Variants in SNTG2 observed in about 807,000 individuals in gnomAD.
SNTG2 encodes syntrophin gamma 2.
A neutral mutation model predicts 70.9 loss-of-function variants in SNTG2; 74 were observed. The observed-to-expected ratio is 1.04, with a 90% CI of 0.86 to 1.27. The LOEUF (loss-of-function observed/expected upper bound fraction) is 1.27, where lower values mean the gene tolerates loss of function less well. Ranked by LOEUF, SNTG2 falls within the 50% of genes most tolerant of loss-of-function variation. The probability of loss-of-function intolerance (pLI) is 0.00; values close to 1 mark genes in which losing one functional copy is unlikely to be tolerated. For synonymous variants in SNTG2, 278 were observed against 273.8 expected, an observed-to-expected ratio of 1.02 and a Z score of -0.15; for missense variants, 717 against 690.7, an observed-to-expected ratio of 1.04 and a Z score of -0.43.
At chr2:1,015,235 T>C (rs971510272) in intron 1 of SNTG2, among the ~76,000 whole-genome samples, 2 of 151,948 alleles carry the variant, frequency 1.3e-5, no homozygotes, top group African/African-American at 4.8e-5. Context: ...TGCAAAGAAG[T>C]AAATGGATTC....
chr2:1,104,023 T>A (rs1262997982), intron 4 of SNTG2, among the ~76,000 whole-genome samples: 1 of 152,242 alleles, frequency 6.6e-6, no homozygotes, highest in Non-Finnish European at 1.5e-5. Flanking sequence ...TTCTATGACC[T>A]TTAACTACCC....
chr2:1,058,076 AAAT>A (rs1360989888), intron 1 of SNTG2, among the ~76,000 whole-genome samples: 4 of 152,222 alleles, frequency 2.6e-5, no homozygotes, highest in African/African-American at 9.6e-5. Flanking sequence ...GAATTAATAT[AAAT>A]AACTTATATT....
chr2:1,261,590 G>A (rs1678416278), intron 13 of SNTG2, among the ~76,000 whole-genome samples: 1 of 152,158 alleles, frequency 6.6e-6, no homozygotes, highest in Admixed American at 6.5e-5. Context: ...TGGCAGAAAA[G>A]CACTCTGGAC....
Position 1,307,518 on chromosome 2 carries a change from C to A in SNTG2, c.1285-976C>A, listed in dbSNP as rs577568677. On this transcript the variant is annotated intron_variant, in intron 14 of 16. Transcript: ENST00000308624. ...AGAGAGAGTGTAGGCATCAAGCACC[C>A]ATTTCCCACAAGAGTAACGTGTTTG... Among the ~76,000 whole-genome samples the A allele has an allele frequency of 1.1e-4, 16 of 151,706 alleles. 1 individual carries two copies. Among genetic ancestry groups the A allele is most frequent in the Admixed American group, 1.0e-3 (16 of 15,248 alleles).
chr2:1,250,094 G>A (rs10190065), intron 12 of SNTG2, among the ~76,000 whole-genome samples: 45,543 of 152,036 alleles, frequency 0.3, 7,610 homozygotes, highest in African/African-American at 0.45. Context: ...GGAAATCGCA[G>A]ACTCCTCATT....
intron 9 of SNTG2, among the ~76,000 whole-genome samples, chr2:1,221,296 TGTCC>T (rs1674761172): frequency 7.2e-6 from 1 of 138,576 alleles, no homozygotes; most frequent in African/African-American, 2.6e-5. Context: ...TCTGTCTCTC[TGTCC>T]CTCTCTGTCT....
At position 1,038,051 on chromosome 2, in the gene SNTG2, C is replaced by T. The variant is rs2148050496; in HGVS notation, c.73-45467C>T. Among the ~76,000 whole-genome samples the T allele has an allele frequency of 2.0e-5, 3 of 152,260 alleles. No homozygotes were observed. The Middle Eastern group carries it at 0.01, about 518-fold the overall frequency. ...CAAAACAACTGTGGCATTTTGTATT[C>T]CTCCCAGTGGTATATGAAAGTTCCC... On this transcript the variant is annotated intron_variant, in intron 1 of 16. Transcript: ENST00000308624.
intron 14 of SNTG2, among the ~76,000 whole-genome samples, chr2:1,296,217 A>T (rs1680208496): frequency 6.6e-6 from 1 of 152,264 alleles, no homozygotes; most frequent in Admixed American, 6.5e-5. Flanking sequence ...TGATCTACTC[A>T]TCCTGGAATT....
At position 1,353,076 on chromosome 2, in the gene SNTG2, C is replaced by A. The variant is rs1187728020; in HGVS notation, c.1489-14267C>A. Among the ~76,000 whole-genome samples the A allele has an allele frequency of 6.6e-6, 1 of 152,132 alleles. No homozygotes were observed. Among genetic ancestry groups the A allele is most frequent in the African/African-American group, 2.4e-5 (1 of 41,418 alleles). ...GTCTGGCTCACCCCCACCCAGAAATCCACATGGTGCATTTTCGGAAAACTT... is the reference window on the plus strand; with the variant it reads ...GTCTGGCTCACCCCCACCCAGAAATACACATGGTGCATTTTCGGAAAACTT... On this transcript the variant is annotated intron_variant, in intron 16 of 16. Transcript: ENST00000308624. This position sits in a 1 kb window ranked among gnomAD's most constrained non-coding sequence, Gnocchi z 4.2.
In SNTG2 at chr2:1,255,925, TAAATATATAA is replaced by T. The variant is rs1249819361; in HGVS notation, c.1006-3443_1006-3434del. 4.5e-4 allele frequency among the ~76,000 whole-genome samples: 22 copies of T among 49,242 alleles called. 1 individual carries two copies. Among genetic ancestry groups the T allele is most frequent in the African/African-American group, 2.3e-3 (19 of 8,244 alleles). 32.3% of individuals were successfully genotyped at this position (49,242 alleles called of 152,430 possible). A position where few individuals can be genotyped will look rare whatever the true frequency, so the allele number is the denominator to read the frequency against. On this transcript the variant is annotated intron_variant, in intron 12 of 16. Coordinates refer to ENST00000308624, the MANE Select transcript of SNTG2 (RefSeq NM_018968.4). The stretch of plus-strand genomic sequence containing the variant: ...ATATATAAATATATATATAAATATA[TAAATATATAA>T]ATATATATATATATAACTACATGTG...
intron 14 of SNTG2, among the ~76,000 whole-genome samples, chr2:1,287,286 G>A (rs1679803098): frequency 6.6e-6 from 1 of 152,210 alleles, no homozygotes; most frequent in African/African-American, 2.4e-5. Flanking sequence ...CTGATAATTG[G>A]AAATAGAAAT....
chr2:959,541 C>T lies in SNTG2; in HGVS notation c.72+8473C>T, dbSNP rs952600693. On this transcript the variant is annotated intron_variant, in intron 1 of 16. Transcript: ENST00000308624. ...GTCCAGGGTTCAGCTGTGCTAGGGTCGCCTGGTGCAGGGGGCTGCCTGGGG... is the reference window on the plus strand; with the variant it reads ...GTCCAGGGTTCAGCTGTGCTAGGGTTGCCTGGTGCAGGGGGCTGCCTGGGG... 4.0e-5 allele frequency among the ~76,000 whole-genome samples: 6 copies of T among 151,858 alleles called. No homozygotes were observed. The East Asian group carries it at 9.7e-4, about 24-fold the overall frequency.
rs749742471 is a variant in SNTG2, at chr2:988,028, G to A, written c.72+36960G>A. 2.6e-5 allele frequency among the ~76,000 whole-genome samples: 4 copies of A among 152,322 alleles called. No homozygotes were observed. In the East Asian group the frequency reaches 5.8e-4, roughly 22 times the overall value. The stretch of plus-strand genomic sequence containing the variant: ...AGCCTCGCCCTGCTCGCCACAGCCC[G>A]TCTTCCTCCTCATCACCTCATGGGG... On this transcript the variant is annotated intron_variant, in intron 1 of 16. Transcript: ENST00000308624.
chr2:1,309,239 T>C (rs1416849733), intron 15 of SNTG2, among the ~76,000 whole-genome samples: 1 of 152,228 alleles, frequency 6.6e-6, no homozygotes, highest in Admixed American at 6.5e-5. Flanking sequence ...CAAATCGGGC[T>C]GCACCCCCTT....
intron 11 of SNTG2, 42 bp from the exon 12 acceptor site, chr2:1,247,285 G>A: frequency 8.3e-7 from 1 of 1,211,100 alleles, no homozygotes; most frequent in Non-Finnish European, 1.2e-6. Context: ...GTGACAGTAT[G>A]CCCTCATTAA....
intron 4 of SNTG2, among the ~76,000 whole-genome samples, chr2:1,111,739 A>C (rs920232495): frequency 6.7e-6 from 1 of 150,016 alleles, no homozygotes; most frequent in Non-Finnish European, 1.5e-5. Context: ...ACTCCCTGAG[A>C]AGAATCGTGT....
intron 9 of SNTG2, 48 bp downstream of exon 9, chr2:1,209,278 C>CT: frequency 6.2e-7 from 1 of 1,610,746 alleles, no homozygotes; most frequent in Non-Finnish European, 8.5e-7. Context: ...ACCCCGTGCA[C>CT]TTTTGCCAGT....
intron 4 of SNTG2, among the ~76,000 whole-genome samples, chr2:1,122,294 A>T (rs1667423602): frequency 6.6e-6 from 1 of 152,206 alleles, no homozygotes; most frequent in Non-Finnish European, 1.5e-5. Flanking sequence ...CTGAACAAAG[A>T]TGTCACTAAC....
chr2:1,295,233 C>T lies in SNTG2; in HGVS notation c.1285-13261C>T, dbSNP rs562151381. On this transcript the variant is annotated intron_variant, in intron 14 of 16. Transcript: ENST00000308624. ...GAGACTGAAGCGGCCACATGCTGGG[C>T]GGATGTAGTGTCTCATGCCTCAGTG... Among the ~76,000 whole-genome samples, 7 of 152,232 alleles carry T rather than the reference C, an allele frequency of 4.6e-5. No individual in the cohort carries two copies. In the South Asian group the frequency reaches 1.0e-3, roughly 23 times the overall value.
Sources: allele counts gnomAD v4.1 joint callset (sites outside exome capture counted in the v4.1 genomes callset), GRCh38; gene constraint gnomAD v4.1.1; non-coding constraint Gnocchi (gnomAD v3.1); transcripts MANE v1.5; gene names NCBI Gene and HGNC (gene_info 2026-07-23, HGNC 2026-07-21).